CRIP2: variants seen among roughly 807,000 people sequenced by gnomAD.
CRIP2 encodes the protein cysteine rich protein 2.
In CRIP2, 31 loss-of-function variants were observed where a neutral mutation model predicts 31.3. The observed-to-expected ratio is 0.99, with a 90% confidence interval of 0.74 to 1.34. The LOEUF (loss-of-function observed/expected upper bound fraction) is 1.34, where lower values mean the gene tolerates loss of function less well. Among genes scored for constraint, CRIP2 ranks in the 40% most tolerant of loss-of-function variants. The pLI is 0.00. For synonymous variants in CRIP2, 177 were observed against 127.2 expected, an observed-to-expected ratio of 1.39 and a Z score of -2.63; for missense variants, 389 against 301.6, an observed-to-expected ratio of 1.29 and a Z score of -2.15.
At chr14:105,475,015 G>C in intron 1 of CRIP2, 110 bp downstream of exon 1, 1 of 1,222,478 alleles carries the variant, frequency 8.2e-7, no homozygotes, top group Non-Finnish European at 1.0e-6. Flanking sequence ...CCCCGGCCCC[G>C]GACCGAGGAT....
upstream of CRIP2, chr14:105,474,285 C>T (rs1555435269): frequency 6.6e-6 from 1 of 151,152 alleles, no homozygotes; most frequent in African/African-American, 2.4e-5. The surrounding 1 kb of genome is among the most constrained non-coding windows in gnomAD (Gnocchi z 5.1). Context: ...CGCCGGGAAT[C>T]TGACTCCGCT....
chr14:105,473,507 G>C (rs1259509993), upstream of CRIP2: 2 of 1,535,036 alleles, frequency 1.3e-6, no homozygotes, highest in South Asian at 1.2e-5. Flanking sequence ...CAGGCAGAGG[G>C]AACAGGTAGG....
chr14:105,479,111 C>T lies in CRIP2; in HGVS notation c.407-14C>T, dbSNP rs377536005. ...CCCGCCCCGGGGCTCGGCCTCACTC[C>T]TCCCCCTTTCCAGCTGAGAAGGTGA... On this transcript the variant is annotated splice_polypyrimidine_tract_variant and intron_variant, in intron 5 of 7. Coordinates refer to ENST00000329146, the MANE Select transcript of CRIP2 (RefSeq NM_001312.4). 2.5e-6 allele frequency: 4 copies of T among 1,611,016 alleles called. No homozygotes were observed. The highest frequency in any genetic ancestry group is 1.1e-5 in the South Asian group (1 of 90,972).
rs781981653 is a variant in CRIP2, at chr14:105,479,046, C to T, written c.405C>T (p.Phe135=). 3.7e-5 allele frequency: 59 copies of T among 1,574,436 alleles called. No homozygotes were observed. In the Admixed American group the frequency reaches 9.6e-4, roughly 26 times the overall value. The change falls in exon 5 of 8, where the codon TTC becomes TTT. Residue 135 remains phenylalanine, a splice_region_variant and synonymous_variant. Transcript: ENST00000329146. ...CGCGCTGCAGCAAGAAGGTGTACTT[C>T]GGTGAGTGCGCGCCCGGGCCCCGGA... ...TCPRCSKKVY[F]AEKVTSLGKD... is the part of the protein sequence containing the mutation.
chr14:105,479,214 G>A lies in CRIP2; in HGVS notation c.496G>A (p.Ala166Thr). The A allele has an allele frequency of 6.2e-7, 1 of 1,610,222 alleles. No individual in the cohort carries two copies. Among genetic ancestry groups the A allele is most frequent in the African/African-American group, 1.3e-5 (1 of 74,948 alleles). ...GAAGACACTGACCCCCGGCGGGCACGCGGAGGTGAGGGGAGTGCAACGGGG... is the reference window on the plus strand; with the variant it reads ...GAAGACACTGACCCCCGGCGGGCACACGGAGGTGAGGGGAGTGCAACGGGG... Reference protein sequence around the residue: ...CGKTLTPGGHAEHDGQPYCHK... With the variant: ...CGKTLTPGGHTEHDGQPYCHK... The change falls in exon 6 of 8, where the codon GCG (alanine) becomes ACG (threonine). Residue 166 changes from alanine to threonine, a missense_variant. Coordinates refer to ENST00000329146, the MANE Select transcript of CRIP2 (RefSeq NM_001312.4).
chr14:105,473,452 GA>G, upstream of CRIP2: 1 of 1,535,736 alleles, frequency 6.5e-7, no homozygotes, highest in Non-Finnish European at 8.7e-7. Flanking sequence ...TGAAAGCCAG[GA>G]GCACCGAGGG....
At position 105,478,398 on chromosome 14, in the gene CRIP2, C is replaced by A; in HGVS notation, c.138+38C>A. 1 of 1,571,720 alleles carries A rather than the reference C, an allele frequency of 6.4e-7. No homozygotes were observed. Reference sequence around the variant, plus strand: ...GCGCGGCGCGGGCGGGGGCGGGGGTCGCGACTCCCGCCACCCTCAGGCAGG... The same window carrying A: ...GCGCGGCGCGGGCGGGGGCGGGGGTAGCGACTCCCGCCACCCTCAGGCAGG... On this transcript the variant is annotated intron_variant, in intron 2 of 7. Transcript: ENST00000329146. This position sits in a 1 kb window ranked among gnomAD's most constrained non-coding sequence, Gnocchi z 4.9.
chr14:105,478,163 G>C lies in CRIP2; in HGVS notation c.44-103G>C. ...AAGGCGCCTGGGAGACCTCCTGAAA[G>C]TGGGGACCCCCGGAGCGCGTGGGGG... On this transcript the variant is annotated intron_variant, in intron 1 of 7. Coordinates refer to ENST00000329146, the MANE Select transcript of CRIP2 (RefSeq NM_001312.4). The surrounding 1 kb of genome is among the most constrained non-coding windows in gnomAD (Gnocchi z 4.9). 1 of 925,160 alleles carries C rather than the reference G, an allele frequency of 1.1e-6. No individual in the cohort carries two copies. Among genetic ancestry groups the C allele is most frequent in the Non-Finnish European group, 1.5e-6 (1 of 647,956 alleles). 57.3% of individuals were successfully genotyped at this position (925,160 alleles called of 1,614,324 possible).
At position 105,478,798 on chromosome 14, in the gene CRIP2, C is replaced by T. The variant is rs1303994594; in HGVS notation, c.264C>T (p.Thr88=). The T allele has an allele frequency of 2.1e-5, 30 of 1,431,766 alleles. No individual in the cohort carries two copies. The African/African-American group carries it at 4.0e-4, about 19-fold the overall frequency. The allele number at this position is 1,431,766 out of a possible 1,614,324, so 88.7% of individuals were successfully genotyped here. A position where few individuals can be genotyped will look rare whatever the true frequency, so the allele number is the denominator to read the frequency against. The change falls in exon 4 of 8, where the codon ACC becomes ACT. Residue 88 remains threonine, a synonymous_variant. Transcript: ENST00000329146. This position sits in a 1 kb window ranked among gnomAD's most constrained non-coding sequence, Gnocchi z 4.9. The part of the protein sequence containing the change: ...EKPLAEGPQV[T]GPIEVPAARA... ...CCCTGGCGGAGGGGCCGCAGGTCAC[C>T]GGCCCCATCGAGGTCCCCGCGGCCC...
In CRIP2 at chr14:105,479,712, C is replaced by A; in HGVS notation, c.*59C>A. On this transcript the variant is annotated 3_prime_UTR_variant, in exon 8 of 8. Transcript: ENST00000329146. ...CGCCCCAGACCCTGCAGGGGCCCCC[C>A]TGCTTGGCTCTGCTGGGAGAGTGCT... 6.5e-7 allele frequency: 1 copy of A among 1,539,580 alleles called. No individual in the cohort carries two copies. Among genetic ancestry groups the A allele is most frequent in the East Asian group, 2.4e-5 (1 of 41,640 alleles).
intron 1 of CRIP2, chr14:105,476,160 C>G: frequency 2.0e-6 from 2 of 985,470 alleles, no homozygotes; most frequent in Non-Finnish European, 2.4e-6. Context: ...AGACGGTCCC[C>G]AGGGCCCTTC....
In CRIP2 at chr14:105,479,567, C is replaced by T; in HGVS notation, c.560-19C>T. On this transcript the variant is annotated intron_variant, in intron 7 of 7. Transcript: ENST00000329146. ...CCTCCACTGTTCCCCCGACCCACCC[C>T]AGCGGCCTCCCTCCACAGGAGTGAA... 6.2e-7 allele frequency: 1 copy of T among 1,612,822 alleles called. No homozygotes were observed. The highest frequency in any genetic ancestry group is 8.5e-7 in the Non-Finnish European group (1 of 1,179,934).
In CRIP2 at chr14:105,478,623, C is replaced by A; in HGVS notation, c.197-108C>A. Reference sequence around the variant, plus strand: ...GGATCCCCGCCCAGAGTCCCTGCCACCCTGGAAAGCCTAGTGCCCCCCAGT... The same window carrying A: ...GGATCCCCGCCCAGAGTCCCTGCCAACCTGGAAAGCCTAGTGCCCCCCAGT... On this transcript the variant is annotated intron_variant, in intron 3 of 7. Coordinates refer to ENST00000329146, the MANE Select transcript of CRIP2 (RefSeq NM_001312.4). The surrounding 1 kb of genome is among the most constrained non-coding windows in gnomAD (Gnocchi z 4.9). The A allele has an allele frequency of 6.6e-7, 1 of 1,505,298 alleles. No individual in the cohort carries two copies. The highest frequency in any genetic ancestry group is 8.9e-7 in the Non-Finnish European group (1 of 1,124,258). 93.2% of individuals were successfully genotyped at this position (1,505,298 alleles called of 1,614,324 possible).
At chr14:105,477,396 T>G in intron 1 of CRIP2, 2 of 984,780 alleles carry the variant, frequency 2.0e-6, no homozygotes, top group Non-Finnish European at 2.4e-6. Context: ...CACAGACAGA[T>G]GAGGGTCCCG....
upstream of CRIP2, chr14:105,473,584 A>G (rs1322713305): frequency 6.8e-7 from 1 of 1,474,738 alleles, no homozygotes; most frequent in African/African-American, 1.4e-5. Context: ...CTGCCCCCAT[A>G]GGGCCTGATC....
At position 105,478,693 on chromosome 14, in the gene CRIP2, ACCCCACGTACCCCCGCCCCACGTAC is replaced by A; in HGVS notation, c.197-31_197-7del. ...GAGATGCCCGGTGGCCGCGGCCCCCACCCCACGTACCCCCGCCCCACGTACCCCCACCCGCAGGCGTGAACATCGG... is the reference window on the plus strand; with the variant it reads ...GAGATGCCCGGTGGCCGCGGCCCCCACCCCACCCGCAGGCGTGAACATCGG... On this transcript the variant is annotated splice_polypyrimidine_tract_variant and intron_variant, in intron 3 of 7. Coordinates refer to ENST00000329146, the MANE Select transcript of CRIP2 (RefSeq NM_001312.4). The surrounding 1 kb of genome is among the most constrained non-coding windows in gnomAD (Gnocchi z 4.9). 1 of 1,386,458 alleles carries A rather than the reference ACCCCACGTACCCCCGCCCCACGTAC, an allele frequency of 7.2e-7. No homozygotes were observed. The highest frequency in any genetic ancestry group is 2.7e-5 in the East Asian group (1 of 36,510). 85.9% of individuals were successfully genotyped at this position (1,386,458 alleles called of 1,614,324 possible).
Position 105,478,910 on chromosome 14 carries a change from C to T in CRIP2, c.337+39C>T. Reference sequence around the variant, plus strand: ...GGGCTGGGGCTGGGGGTTGTGGGCACGCGCGGGCTGGGGCTGGGGGTTGTG... The same window carrying T: ...GGGCTGGGGCTGGGGGTTGTGGGCATGCGCGGGCTGGGGCTGGGGGTTGTG... On this transcript the variant is annotated intron_variant, in intron 4 of 7. Coordinates refer to ENST00000329146, the MANE Select transcript of CRIP2 (RefSeq NM_001312.4). The surrounding 1 kb of genome is among the most constrained non-coding windows in gnomAD (Gnocchi z 4.9). 1 of 1,487,484 alleles carries T rather than the reference C, an allele frequency of 6.7e-7. No individual in the cohort carries two copies. Among genetic ancestry groups the T allele is most frequent in the South Asian group, 1.3e-5 (1 of 77,004 alleles). 92.1% of individuals were successfully genotyped at this position (1,487,484 alleles called of 1,614,324 possible).
At chr14:105,475,563 G>T (rs1555435618) in intron 1 of CRIP2, among the ~76,000 whole-genome samples, 1 of 152,240 alleles carries the variant, frequency 6.6e-6, no homozygotes, top group East Asian at 1.9e-4. Context: ...TCCCGCGAAC[G>T]TGAGAGGGAC....
chr14:105,479,100 C>G, intron 5 of CRIP2, 25 bp from the exon 6 acceptor site: 1 of 1,606,842 alleles, frequency 6.2e-7, no homozygotes, highest in Non-Finnish European at 8.5e-7. Flanking sequence ...CCCCGGGGCT[C>G]GGCCTCACTC....
Sources: gnomAD v4.1 joint callset for allele counts (sites outside exome capture counted in the v4.1 genomes callset) on GRCh38, gnomAD v4.1.1 for gene constraint, Gnocchi (gnomAD v3.1) non-coding constraint, MANE v1.5 for transcripts, NCBI Gene and HGNC (gene_info 2026-07-23, HGNC 2026-07-21) for gene names.